The following ZBED6 variants were observed in gnomAD, a reference collection of about 807,000 sequenced individuals.
ZBED6 encodes zinc finger BED-type containing 6.
ZBED6 carries 40 observed loss-of-function variants against 58.4 expected under a neutral mutation model. That is an observed-to-expected ratio of 0.68 (90% CI 0.53 to 0.89). The LOEUF (loss-of-function observed/expected upper bound fraction) is 0.89, where lower values mean the gene tolerates loss of function less well. Ranked by LOEUF, ZBED6 falls within the 40% of genes least tolerant of loss-of-function variation. The pLI, the probability that ZBED6 is intolerant of heterozygous loss-of-function variation, is 0.00. For synonymous variants in ZBED6, 439 were observed against 350.6 expected, an observed-to-expected ratio of 1.25 and a Z score of -2.82; for missense variants, 1,057 against 1,003.9, an observed-to-expected ratio of 1.05 and a Z score of -0.71.
intron 2 of ZBED6, among the ~76,000 whole-genome samples, chr1:203,817,544 C>T (rs1676767939): frequency 6.6e-6 from 1 of 151,952 alleles, no homozygotes; most frequent in South Asian, 2.1e-4. Flanking sequence ...TTTCTTCTCC[C>T]AGATTTCCTG....
Position 203,838,069 on chromosome 1 carries a change from C to T in ZBED6, c.*3672+5C>T. On this transcript the variant is annotated splice_donor_5th_base_variant and intron_variant, in intron 10 of 16. Transcript: ENST00000550078. ...TTGACAAAACACCAAAGAAAGGTAC[C>T]TGTGTTCTTACATACTTTGTGTGTG... 6.2e-7 allele frequency: 1 copy of T among 1,613,694 alleles called. No individual in the cohort carries two copies. Among genetic ancestry groups the T allele is most frequent in the Non-Finnish European group, 8.5e-7 (1 of 1,179,684 alleles).
chr1:203,839,472 A>G (rs78564343), intron 10 of ZBED6, among the ~76,000 whole-genome samples: 2,674 of 152,026 alleles, frequency 0.018, 72 homozygotes, highest in African/African-American at 0.057. Flanking sequence ...TTTCCTTCTC[A>G]TTGTGTTTGG....
In ZBED6 at chr1:203,828,290, C is replaced by T; in HGVS notation, c.*2874-9C>T. On this transcript the variant is annotated splice_polypyrimidine_tract_variant and intron_variant, in intron 3 of 16. Transcript: ENST00000550078. ...TTATTTGAAAGCAATGTGTTTTTCC[C>T]TCTTACAGAAAAAACGCAGTGAAAT... 4 of 1,613,908 alleles carry T rather than the reference C, an allele frequency of 2.5e-6. No individual in the cohort carries two copies. The highest frequency in any genetic ancestry group is 3.4e-6 in the Non-Finnish European group (4 of 1,179,900).
In ZBED6 at chr1:203,819,529, A is replaced by ATTTTT. The variant is rs755259647; in HGVS notation, c.*2873+858_*2873+862dup. Among the ~76,000 whole-genome samples the ATTTTT allele has an allele frequency of 2.9e-3, 209 of 72,870 alleles. 3 individuals carry two copies. The Middle Eastern group carries it at 0.04, about 14-fold the overall frequency. The allele number at this position is 72,870 out of a possible 152,430, so 47.8% of individuals were successfully genotyped here. A position where few individuals can be genotyped will look rare whatever the true frequency, so the allele number is the denominator to read the frequency against. On this transcript the variant is annotated intron_variant, in intron 3 of 16. Transcript: ENST00000550078. The stretch of plus-strand genomic sequence containing the variant: ...GAGCCACCGTGCCCAGCTGACTCCA[A>ATTTTT]TTTTTTTTTTTTTTTTTTTTTTGAG...
At chr1:203,804,925 G>A (rs546242909) in intron 1 of ZBED6, among the ~76,000 whole-genome samples, 2 of 151,630 alleles carry the variant, frequency 1.3e-5, no homozygotes, top group Admixed American at 6.6e-5. Flanking sequence ...TGCCCAACTC[G>A]GCCTCCTAAA....
exon 1 of ZBED6, chr1:203,797,635 A>G: frequency 1.3e-6 from 2 of 1,536,112 alleles, no homozygotes; most frequent in Non-Finnish European, 1.7e-6. Context: ...TCTAATACAG[A>G]TGAAGAAGAT....
chr1:203,811,201 G>A (rs1270770294), intron 1 of ZBED6, among the ~76,000 whole-genome samples: 8 of 151,412 alleles, frequency 5.3e-5, no homozygotes, highest in African/African-American at 1.9e-4. Flanking sequence ...CCAGCTACTT[G>A]GGAGGCTGAG....
chr1:203,841,156 T>A (rs868776367), intron 11 of ZBED6, among the ~76,000 whole-genome samples: 85 of 144,234 alleles, frequency 5.9e-4, no homozygotes, highest in Middle Eastern at 3.5e-3. Flanking sequence ...TTTTTTTTTT[T>A]ATTTTTTTTT....
chr1:203,833,716 C>G (rs1683262573), intron 8 of ZBED6, 75 bp from the exon 9 acceptor site: 2 of 1,199,522 alleles, frequency 1.7e-6, no homozygotes, highest in Admixed American at 5.0e-5. Context: ...TCAGAACATA[C>G]TTTGTACCCA....
chr1:203,831,021 C>T (rs1420442906), intron 7 of ZBED6, among the ~76,000 whole-genome samples: 2 of 143,116 alleles, frequency 1.4e-5, no homozygotes, highest in Non-Finnish European at 3.0e-5. Context: ...TCTTTGCTCA[C>T]CACAACCTCC....
At chr1:203,833,491 A>C (rs1683139016) in intron 8 of ZBED6, among the ~76,000 whole-genome samples, 1 of 151,922 alleles carries the variant, frequency 6.6e-6, no homozygotes, top group African/African-American at 2.4e-5. Context: ...AGATGGCACC[A>C]CTGCACTCCA....
In ZBED6 at chr1:203,823,255, C is replaced by T. The variant is rs900422907; in HGVS notation, c.*2873+4566C>T. Reference sequence around the variant, plus strand: ...ACTGTCAGATCATAAGAGAAAAAGACACTGGAGGAATCTGGAAGAATCCGT... The same window carrying T: ...ACTGTCAGATCATAAGAGAAAAAGATACTGGAGGAATCTGGAAGAATCCGT... On this transcript the variant is annotated intron_variant, in intron 3 of 16. Transcript: ENST00000550078. 4.7e-4 allele frequency among the ~76,000 whole-genome samples: 72 copies of T among 152,158 alleles called. 2 individuals are homozygous for T. Among genetic ancestry groups the T allele is most frequent in the Non-Finnish European group, 1.5e-5 (1 of 68,026 alleles).
At chr1:203,813,153 C>T (rs1418210118) in intron 1 of ZBED6, among the ~76,000 whole-genome samples, 1 of 152,078 alleles carries the variant, frequency 6.6e-6, no homozygotes, top group Admixed American at 6.6e-5. Context: ...AGAGCTTTCA[C>T]AGAGCAGACC....
At chr1:203,838,060 G>C in exon 10 of ZBED6, 1 of 1,614,082 alleles carries the variant, frequency 6.2e-7, no homozygotes, top group Non-Finnish European at 8.5e-7. Context: ...AAACACCAAA[G>C]AAAGGTACCT....
At chr1:203,825,591 T>C (rs1680274402) in intron 3 of ZBED6, among the ~76,000 whole-genome samples, 1 of 152,140 alleles carries the variant, frequency 6.6e-6, no homozygotes, top group African/African-American at 2.4e-5. Flanking sequence ...CCCTCCACCA[T>C]GCCCAGCTAA....
chr1:203,839,933 ATC>A (rs1348082381), intron 10 of ZBED6, among the ~76,000 whole-genome samples: 1 of 151,266 alleles, frequency 6.6e-6, no homozygotes, highest in Non-Finnish European at 1.5e-5. Context: ...CCTCCAGAGT[ATC>A]TGAGATTACA....
chr1:203,818,558 A>C lies in ZBED6; in HGVS notation c.*2754-12A>C. 4.3e-6 allele frequency: 7 copies of C among 1,613,728 alleles called. No individual in the cohort carries two copies. The highest frequency in any genetic ancestry group is 1.1e-5 in the South Asian group (1 of 91,070). ...CAATGCTACAAATAGAGTGTTCTCT[A>C]TTTGTTTACAGGGTGACAGCTGCCC... On this transcript the variant is annotated splice_polypyrimidine_tract_variant and intron_variant, in intron 2 of 16. Transcript: ENST00000550078.
chr1:203,816,436 C>CAACAT (rs1354984125), intron 1 of ZBED6, among the ~76,000 whole-genome samples: 1 of 151,986 alleles, frequency 6.6e-6, no homozygotes, highest in African/African-American at 2.4e-5. Flanking sequence ...CCAGACTGAA[C>CAACAT]AACATAGCAA....
At chr1:203,852,662 A>G (rs1164875926) in exon 17 of ZBED6, 3 of 470,856 alleles carry the variant, frequency 6.4e-6, no homozygotes, top group Non-Finnish European at 1.1e-5. Flanking sequence ...CTCCACAAAA[A>G]AGAGACTGAG....
Sources: allele counts gnomAD v4.1 joint callset (sites outside exome capture counted in the v4.1 genomes callset), GRCh38; gene constraint gnomAD v4.1.1; transcripts MANE v1.5; gene names NCBI Gene and HGNC (gene_info 2026-07-23, HGNC 2026-07-21).